SLC22A3: variants seen among roughly 807,000 people sequenced by gnomAD.
The protein encoded by SLC22A3 is EMT organic cation transporter 3.
A neutral mutation model predicts 59.1 loss-of-function variants in SLC22A3; 51 were observed. That is an observed-to-expected ratio of 0.86 (90% CI 0.69 to 1.09). The LOEUF (loss-of-function observed/expected upper bound fraction) is 1.09, where lower values mean the gene tolerates loss of function less well. SLC22A3 is among the 50% of genes least tolerant of loss of function. The pLI is 0.00. For missense variants in SLC22A3, 711 were observed against 726.3 expected, an observed-to-expected ratio of 0.98 and a Z score of 0.24; for synonymous variants, 325 against 292.0, an observed-to-expected ratio of 1.11 and a Z score of -1.15.
At chr6:160,434,973 C>T (rs1240032617) in intron 5 of SLC22A3, among the ~76,000 whole-genome samples, 1 of 150,598 alleles carries the variant, frequency 6.6e-6, no homozygotes, top group African/African-American at 2.4e-5. Context: ...TCTCCACCAT[C>T]GCCTACACAG....
At chr6:160,413,539 G>A (rs1787344387) in intron 5 of SLC22A3, among the ~76,000 whole-genome samples, 1 of 152,148 alleles carries the variant, frequency 6.6e-6, no homozygotes, top group African/African-American at 2.4e-5. Flanking sequence ...AGCCATCATA[G>A]CATTTCATCT....
At chr6:160,351,971 C>A (rs1399292796) in intron 1 of SLC22A3, among the ~76,000 whole-genome samples, 1 of 152,246 alleles carries the variant, frequency 6.6e-6, no homozygotes, top group Non-Finnish European at 1.5e-5. Context: ...AGATCTCTCA[C>A]ACTTTATAAC....
Position 160,436,887 on chromosome 6 carries a change from A to G in SLC22A3, c.1073+10A>G, listed in dbSNP as rs1190699515. 3 of 1,612,838 alleles carry G rather than the reference A, an allele frequency of 1.9e-6. No homozygotes were observed. The highest frequency in any genetic ancestry group is 1.3e-5 in the African/African-American group (1 of 74,904). ...TTCTTATGTTTGCTTGGTAAGTTTGACTTGTGATGGATTTAAAAGCTTGCG... is the reference window on the plus strand; with the variant it reads ...TTCTTATGTTTGCTTGGTAAGTTTGGCTTGTGATGGATTTAAAAGCTTGCG... On this transcript the variant is annotated intron_variant, in intron 6 of 10. Coordinates refer to ENST00000275300, the MANE Select transcript of SLC22A3 (RefSeq NM_021977.4).
intron 5 of SLC22A3, among the ~76,000 whole-genome samples, chr6:160,418,025 T>C (rs773193345): frequency 1.3e-5 from 2 of 152,176 alleles, no homozygotes; most frequent in Non-Finnish European, 2.9e-5. Context: ...ATAGCTCTGA[T>C]GGTAAAGTGT....
chr6:160,399,397 T>G, intron 2 of SLC22A3, among the ~76,000 whole-genome samples: 1 of 152,246 alleles, frequency 6.6e-6, no homozygotes, highest in East Asian at 1.9e-4. Context: ...GGATATTAGG[T>G]TTTGCTTCAT....
At chr6:160,419,407 G>A (rs1228527476) in intron 5 of SLC22A3, among the ~76,000 whole-genome samples, 2 of 152,174 alleles carry the variant, frequency 1.3e-5, no homozygotes, top group African/African-American at 2.4e-5. Flanking sequence ...ATCGGGGATG[G>A]TGGTATTTCA....
intron 5 of SLC22A3, among the ~76,000 whole-genome samples, chr6:160,411,198 G>A (rs946471203): frequency 2.2e-4 from 34 of 152,084 alleles, no homozygotes; most frequent in African/African-American, 8.0e-4. Flanking sequence ...CTTACTGTAA[G>A]CCCCATAATA....
At chr6:160,434,574 T>C (rs1052082383) in intron 5 of SLC22A3, among the ~76,000 whole-genome samples, 16 of 152,226 alleles carry the variant, frequency 1.1e-4, no homozygotes, top group African/African-American at 3.9e-4. Flanking sequence ...ACACACTCCA[T>C]AAACACTAGC....
At chr6:160,418,090 C>T (rs1003230785) in intron 5 of SLC22A3, among the ~76,000 whole-genome samples, 3 of 152,100 alleles carry the variant, frequency 2.0e-5, no homozygotes, top group Non-Finnish European at 2.9e-5. Flanking sequence ...TGTTTCTGGG[C>T]GTGTCTAGGA....
At chr6:160,420,294 C>G (rs1019500595) in intron 5 of SLC22A3, among the ~76,000 whole-genome samples, 2 of 152,226 alleles carry the variant, frequency 1.3e-5, no homozygotes, top group Non-Finnish European at 2.9e-5. Flanking sequence ...GATGCCTCAT[C>G]AGACAGCAGC....
At position 160,452,046 on chromosome 6, in the gene SLC22A3, T is replaced by C. The variant is rs1265739333; in HGVS notation, c.*990T>C. 1.3e-5 allele frequency: 2 copies of C among 152,208 alleles called. No individual in the cohort carries two copies. The highest frequency in any genetic ancestry group is 4.8e-5 in the African/African-American group (2 of 41,446). The allele number at this position is 152,208 out of a possible 1,614,324, so 9.4% of individuals were successfully genotyped here. ...ATTTTAATTTAAAAGAAAGATCAAT[T>C]ATATCCATGCTTAACAGGATCAGCA... On this transcript the variant is annotated 3_prime_UTR_variant, in exon 11 of 11. Transcript: ENST00000275300.
At position 160,348,702 on chromosome 6, in the gene SLC22A3, C is replaced by T. The variant is rs1248983440; in HGVS notation, c.283C>T (p.Leu95=). 1 of 1,521,590 alleles carries T rather than the reference C, an allele frequency of 6.6e-7. No homozygotes were observed. Among genetic ancestry groups the T allele is most frequent in the Admixed American group, 2.0e-5 (1 of 50,216 alleles). 94.3% of individuals were successfully genotyped at this position (1,521,590 alleles called of 1,614,324 possible). ...ERRGRCQRYL[L]EAANDSASAT... ...CCGCGGCCGCTGCCAGCGCTACCTC[C>T]TGGAGGCGGCCAACGACAGCGCCTC... The change falls in exon 1 of 11, where the codon CTG becomes TTG. Residue 95 remains leucine, a synonymous_variant. Coordinates refer to ENST00000275300, the MANE Select transcript of SLC22A3 (RefSeq NM_021977.4).
chr6:160,450,941 C>G, intron 10 of SLC22A3, 55 bp from the exon 11 acceptor site: 2 of 1,477,450 alleles, frequency 1.4e-6, no homozygotes, highest in Non-Finnish European at 1.9e-6. Context: ...ACAGAACACC[C>G]TCTTCTAACT....
At chr6:160,418,948 T>G (rs939172903) in intron 5 of SLC22A3, among the ~76,000 whole-genome samples, 5 of 152,214 alleles carry the variant, frequency 3.3e-5, no homozygotes, top group African/African-American at 2.4e-5. Flanking sequence ...ATCTACTGCT[T>G]TTAAAATTAA....
At chr6:160,397,576 A>G (rs1786534482) in intron 1 of SLC22A3, among the ~76,000 whole-genome samples, 1 of 152,070 alleles carries the variant, frequency 6.6e-6, no homozygotes, top group African/African-American at 2.4e-5. Context: ...TCTACTAAAA[A>G]TACAAAAATT....
intron 1 of SLC22A3, among the ~76,000 whole-genome samples, chr6:160,380,526 C>G (rs183209482): frequency 5.9e-5 from 9 of 152,194 alleles, no homozygotes; most frequent in Admixed American, 5.2e-4. Context: ...ACTAAGAGAA[C>G]ATAACTTTAT....
Position 160,350,636 on chromosome 6 carries a change from G to A in SLC22A3, c.429+1788G>A, listed in dbSNP as rs551886095. Among the ~76,000 whole-genome samples, 24 of 152,296 alleles carry A rather than the reference G, an allele frequency of 1.6e-4. No individual in the cohort carries two copies. In the South Asian group the frequency reaches 4.6e-3, roughly 29 times the overall value. ...GACATTTAAAGATGAAGAATAAAAC[G>A]AGCCTCAACAAGTGCTCAAGCGAGG... On this transcript the variant is annotated intron_variant, in intron 1 of 10. Coordinates refer to ENST00000275300, the MANE Select transcript of SLC22A3 (RefSeq NM_021977.4).
At chr6:160,355,579 G>A (rs1038028155) in intron 1 of SLC22A3, among the ~76,000 whole-genome samples, 1 of 149,790 alleles carries the variant, frequency 6.7e-6, no homozygotes, top group Non-Finnish European at 1.5e-5. Flanking sequence ...GGCTAACACG[G>A]TGAAACCCCG....
At chr6:160,442,719 C>T (rs2114924227) in intron 7 of SLC22A3, 42 bp from the exon 8 acceptor site, 1 of 1,407,210 alleles carries the variant, frequency 7.1e-7, no homozygotes, top group Non-Finnish European at 1.0e-6. Flanking sequence ...TTAATGAAAT[C>T]AGACCCCTAA....
Sources: allele counts gnomAD v4.1 joint callset (sites outside exome capture counted in the v4.1 genomes callset), GRCh38; gene constraint gnomAD v4.1.1; transcripts MANE v1.5; gene names NCBI Gene and HGNC (gene_info 2026-07-23, HGNC 2026-07-21).